Variants in RHOF observed in about 807,000 individuals in gnomAD.
RHOF encodes ras homolog family member F, filopodia associated.
In RHOF, 21 loss-of-function variants were observed where a neutral mutation model predicts 22.2. That is an observed-to-expected ratio of 0.95 (90% confidence interval 0.67 to 1.36). RHOF has a LOEUF of 1.36. RHOF is among the 40% of genes most tolerant of loss of function. The pLI is 0.00. For synonymous variants in RHOF, 135 were observed against 131.2 expected, an observed-to-expected ratio of 1.03 and a Z score of -0.20; for missense variants, 285 against 293.7, an observed-to-expected ratio of 0.97 and a Z score of 0.22.
rs766057603 is a variant in RHOF, at chr12:121,780,989, C to G, written c.354G>C (p.Thr118=). ...CCATGGGGATCCCGCGGCAGAAATG[C>G]GTGACCTCAGGGAACCACTGTGGAG... ...NVLIKWFPEV[T]HFCRGIPMVL... Residue 118 remains threonine, a synonymous_variant, in exon 4 of 5, where the codon ACG becomes ACC. Transcript: ENST00000267205. The G allele has an allele frequency of 1.2e-6, 2 of 1,613,600 alleles. No homozygotes were observed. Among genetic ancestry groups the G allele is most frequent in the Non-Finnish European group, 1.7e-6 (2 of 1,179,692 alleles).
chr12:121,783,323 C>CG (rs1051464209), intron 2 of RHOF, among the ~76,000 whole-genome samples: 1 of 148,930 alleles, frequency 6.7e-6, no homozygotes. Context: ...ATTGCCCCCC[C>CG]CCCCACCTTT....
chr12:121,793,600 C>A lies in RHOF; in HGVS notation c.34G>T (p.Ala12Ser), dbSNP rs764579464. ...AGCTCCTTCCTGCCCGGACCGGGGG[C>A]GGCGGTCTGGGCCAGGGCCCCGGGG... ...DAPGALAQTA[A>S]PGPGRKELKI... The change falls in exon 1 of 5, where the codon GCC becomes TCC. Residue 12 changes from alanine (A) to serine (S), a missense_variant. Coordinates refer to ENST00000267205, the MANE Select transcript of RHOF (RefSeq NM_019034.3). 13 of 1,551,252 alleles carry A rather than the reference C, an allele frequency of 8.4e-6. No individual in the cohort carries two copies. Among genetic ancestry groups the A allele is most frequent in the Non-Finnish European group, 1.1e-5 (13 of 1,153,628 alleles).
chr12:121,787,909 AGG>A (rs60048337), intron 2 of RHOF, among the ~76,000 whole-genome samples: 567 of 48,822 alleles, frequency 0.012, 5 homozygotes, highest in Middle Eastern at 0.045. Context: ...AAAAAAAAAA[AGG>A]GGGGGGGGGC....
chr12:121,781,085 T>C lies in RHOF; in HGVS notation c.334A>G (p.Lys112Glu). ...NPTSYDNVLIKWFPEVTHFCR... is the reference protein window; with the variant it reads ...NPTSYDNVLIEWFPEVTHFCR... ...ACCACCCAGGAGGCCGGCCTCACCT[T>C]GATGAGGACGTTGTCGTAGCTGGTG... Residue 112 changes from lysine to glutamate, a missense_variant and splice_region_variant, in exon 3 of 5, where the codon AAG becomes GAG. Lys to Glu is a moderately conservative substitution (Grantham distance 56, BLOSUM62 1). Coordinates refer to ENST00000267205, the MANE Select transcript of RHOF (RefSeq NM_019034.3). 6 of 1,614,112 alleles carry C rather than the reference T, an allele frequency of 3.7e-6. No individual in the cohort carries two copies. Among genetic ancestry groups the C allele is most frequent in the Non-Finnish European group, 5.1e-6 (6 of 1,179,952 alleles).
In RHOF at chr12:121,779,442, C is replaced by A; in HGVS notation, c.*56G>T. On this transcript the variant is annotated 3_prime_UTR_variant, in exon 5 of 5. Transcript: ENST00000267205. ...GATGGGGCAGCCTCCCTGGTGCAATCGGCACCTGGGCCCCCGGGCCCTGTC... is the reference window on the plus strand; with the variant it reads ...GATGGGGCAGCCTCCCTGGTGCAATAGGCACCTGGGCCCCCGGGCCCTGTC... The A allele has an allele frequency of 2.5e-6, 4 of 1,579,916 alleles. No homozygotes were observed. In the South Asian group the frequency reaches 3.3e-5, roughly 13 times the overall value.
At chr12:121,785,349 G>GA (rs1874578328) in intron 2 of RHOF, among the ~76,000 whole-genome samples, 1 of 151,918 alleles carries the variant, frequency 6.6e-6, no homozygotes, top group Non-Finnish European at 1.5e-5. Flanking sequence ...TGAAACTACA[G>GA]AAAGTGAAAC....
chr12:121,790,908 C>G (rs757058923), intron 2 of RHOF, among the ~76,000 whole-genome samples: 11 of 152,310 alleles, frequency 7.2e-5, no homozygotes, highest in African/African-American at 2.6e-4. Context: ...GGGTCTCGCT[C>G]TGTTGCCCAG....
At chr12:121,792,300 G>T (rs1874785794) in intron 2 of RHOF, among the ~76,000 whole-genome samples, 2 of 152,234 alleles carry the variant, frequency 1.3e-5, no homozygotes, top group African/African-American at 2.4e-5. Context: ...GAGGTGGGGT[G>T]AGGCCCCACC....
rs1416898323 is a variant in RHOF at position 121,779,789 on chromosome 12, T to TCCTCCATCCTGGCTGCCC, written c.472-145_472-128dup. 9 of 959,610 alleles carry TCCTCCATCCTGGCTGCCC rather than the reference T, an allele frequency of 9.4e-6. No individual in the cohort carries two copies. The Admixed American group carries it at 2.2e-4, about 23-fold the overall frequency. The allele number at this position is 959,610 out of a possible 1,614,324, so 59.4% of individuals were successfully genotyped here. On this transcript the variant is annotated intron_variant, in intron 4 of 4. Coordinates refer to ENST00000267205, the MANE Select transcript of RHOF (RefSeq NM_019034.3). ...AGGCCTTGGTTTGGGCCTGTCTGTCTCCTCCATCCTGGCTGCCCCTCACAG... is the reference window on the plus strand; with the variant it reads ...AGGCCTTGGTTTGGGCCTGTCTGTCTCCTCCATCCTGGCTGCCCCCTCCATCCTGGCTGCCCCTCACAG...
chr12:121,784,922 T>C (rs1874566435), intron 2 of RHOF, among the ~76,000 whole-genome samples: 1 of 152,204 alleles, frequency 6.6e-6, no homozygotes, highest in Admixed American at 6.5e-5. Flanking sequence ...AGTGGATGTT[T>C]GAAACCACAG....
chr12:121,787,651 C>T (rs536475441), intron 2 of RHOF, among the ~76,000 whole-genome samples: 9 of 152,290 alleles, frequency 5.9e-5, no homozygotes, highest in African/African-American at 1.9e-4. Context: ...CTTGTAATCC[C>T]AGCACTTTGG....
Position 121,793,226 on chromosome 12 carries a change from G to A in RHOF, c.152C>T (p.Ser51Leu). The A allele has an allele frequency of 6.4e-7, 1 of 1,550,980 alleles. No individual in the cohort carries two copies. The highest frequency in any genetic ancestry group is 1.2e-5 in the South Asian group (1 of 84,070). Residue 51 changes from serine to leucine, a missense_variant, in exon 2 of 5, where the codon TCG becomes TTG. Ser to Leu is a moderately radical substitution (Grantham distance 145). Transcript: ENST00000267205. ...GCTGGCCGTGTACTTCTCGAACACC[G>A]ATGGGGCGTAGTGCTGCGGGAGAGG... ...QGSFPEHYAPSVFEKYTASVT... is the reference protein window; with the variant it reads ...QGSFPEHYAPLVFEKYTASVT...
intron 2 of RHOF, among the ~76,000 whole-genome samples, chr12:121,783,512 C>T (rs201531427): frequency 5.3e-5 from 8 of 151,894 alleles, no homozygotes; most frequent in Non-Finnish European, 8.8e-5. Flanking sequence ...GACAGAGTTT[C>T]GCTCTTGTTG....
In RHOF at chr12:121,793,596, G is replaced by C; in HGVS notation, c.38C>G (p.Pro13Arg). The change falls in exon 1 of 5, where the codon CCC (proline) becomes CGC (arginine). Residue 13 changes from proline (P) to arginine (R), a missense_variant. By Grantham distance (103) the Pro-to-Arg change is moderately radical. Transcript: ENST00000267205. Reference sequence around the variant, plus strand: ...CTTCAGCTCCTTCCTGCCCGGACCGGGGGCGGCGGTCTGGGCCAGGGCCCC... The same window carrying C: ...CTTCAGCTCCTTCCTGCCCGGACCGCGGGCGGCGGTCTGGGCCAGGGCCCC... ...APGALAQTAA[P>R]GPGRKELKIV... 6.4e-7 allele frequency: 1 copy of C among 1,552,042 alleles called. No individual in the cohort carries two copies. The highest frequency in any genetic ancestry group is 1.2e-5 in the South Asian group (1 of 84,858).
At position 121,779,588 on chromosome 12, in the gene RHOF, C is replaced by G. The variant is rs1474270905; in HGVS notation, c.546G>C (p.Glu182Asp). 1.2e-6 allele frequency: 2 copies of G among 1,614,218 alleles called. No homozygotes were observed. The highest frequency in any genetic ancestry group is 3.3e-5 in the Admixed American group (2 of 60,032). The change falls in exon 5 of 5, where the codon GAG becomes GAC. Residue 182 changes from glutamate (E) to aspartate (D), a missense_variant. Transcript: ENST00000267205. ...ECSAKFRENV[E>D]DVFREAAKVA... ...CCTTGGCGGCCTCCCGGAAGACGTC[C>G]TCCACATTCTCCCGAAACTTGGCGG...
intron 2 of RHOF, among the ~76,000 whole-genome samples, chr12:121,783,575 C>T (rs1182154357): frequency 6.6e-6 from 1 of 152,182 alleles, no homozygotes; most frequent in African/African-American, 2.4e-5. Flanking sequence ...CTACACCTCC[C>T]AGGTTCAAGT....
intron 4 of RHOF, 71 bp from the exon 5 acceptor site, chr12:121,779,733 G>C: frequency 6.5e-7 from 1 of 1,549,034 alleles, no homozygotes; most frequent in Non-Finnish European, 8.8e-7. Flanking sequence ...TGGTGGGTTT[G>C]GGACTGGCTC....
Position 121,780,460 on chromosome 12 carries a change from G to A in RHOF, c.471+412C>T, listed in dbSNP as rs192650244. 3.5e-4 allele frequency: 106 copies of A among 305,184 alleles called. 1 individual carries two copies. Among genetic ancestry groups the A allele is most frequent in the African/African-American group, 2.0e-3 (94 of 46,686 alleles). The allele number at this position is 305,184 out of a possible 1,614,324, so 18.9% of individuals were successfully genotyped here. The stretch of plus-strand genomic sequence containing the variant: ...CCATGCCTCACCCAAAGAGTTGCAC[G>A]GTCAATTGGCCCGTGAAGGGGACGC... On this transcript the variant is annotated intron_variant, in intron 4 of 4. Coordinates refer to ENST00000267205, the MANE Select transcript of RHOF (RefSeq NM_019034.3).
chr12:121,790,180 G>A (rs1592959458), intron 2 of RHOF, among the ~76,000 whole-genome samples: 1 of 152,374 alleles, frequency 6.6e-6, no homozygotes, highest in East Asian at 1.9e-4. Context: ...GAGGGCCCCT[G>A]TGGGCAGCGT....
Sources: allele counts gnomAD v4.1 joint callset (sites outside exome capture counted in the v4.1 genomes callset), GRCh38; gene constraint gnomAD v4.1.1; transcripts MANE v1.5; gene names NCBI Gene and HGNC (gene_info 2026-07-23, HGNC 2026-07-21).